The following DVL2 variants were observed in gnomAD, a reference collection of about 807,000 sequenced individuals.
The protein encoded by DVL2 is segment polarity protein dishevelled homolog DVL-2.
In DVL2, 38 loss-of-function variants were observed where a neutral mutation model predicts 69.8. That is an observed-to-expected ratio of 0.54 (90% CI 0.42 to 0.71). The LOEUF (loss-of-function observed/expected upper bound fraction) is 0.71. Ranked by LOEUF, DVL2 falls within the 30% of genes least tolerant of loss-of-function variation. The pLI, the probability that DVL2 is intolerant of heterozygous loss-of-function variation, is 0.00. For synonymous variants in DVL2, 428 were observed against 392.4 expected, an observed-to-expected ratio of 1.09 and a Z score of -1.07; for missense variants, 931 against 1,008.1, an observed-to-expected ratio of 0.92 and a Z score of 1.04.
At chr17:7,228,880 C>A in intron 9 of DVL2, 89 bp downstream of exon 9, 1 of 1,378,360 alleles carries the variant, frequency 7.3e-7, no homozygotes, top group South Asian at 1.2e-5. Flanking sequence ...CCACGCCCGG[C>A]TGTCTTAGTA....
chr17:7,230,181 C>A (rs534885127), intron 3 of DVL2, 26 bp from the exon 4 acceptor site: 62 of 1,612,364 alleles, frequency 3.8e-5, no homozygotes, highest in Non-Finnish European at 4.9e-5. Context: ...TGGTTTCCAA[C>A]CCACATCAGG....
At chr17:7,233,958 C>T (rs1358509856) in intron 1 of DVL2, 111 bp downstream of exon 1, 2 of 1,186,238 alleles carry the variant, frequency 1.7e-6, no homozygotes, top group Non-Finnish European at 2.4e-6. Context: ...CAATCTGCTC[C>T]ACCATAGGCC....
chr17:7,226,448 C>G lies in DVL2; in HGVS notation c.1735G>C (p.Gly579Arg). ...HELSSYTYGG[G>R]SASSQHSEGS... ...TCACTATGCTGGCTGCTGGCACTGC[C>G]CCCACCATAGGTGTAAGATGAAAGC... is the stretch of plus-strand genomic sequence containing the variant. Residue 579 changes from glycine (G) to arginine (R), a missense_variant, in exon 14 of 15, where the codon GGC (glycine) becomes CGC (arginine). Physicochemically the swap from Gly to Arg is moderately radical, Grantham distance 125. Around this residue, in one of 3 missense-constraint regions of DVL2, gnomAD observed 314 missense variants for 313.7 expected, o/e 1.00. Transcript: ENST00000005340. 1 of 1,542,694 alleles carries G rather than the reference C, an allele frequency of 6.5e-7. No individual in the cohort carries two copies. The highest frequency in any genetic ancestry group is 8.7e-7 in the Non-Finnish European group (1 of 1,145,034).
At chr17:7,228,581 G>T in intron 9 of DVL2, 1 of 222,624 alleles carries the variant, frequency 4.5e-6, no homozygotes, top group Middle Eastern at 1.8e-3. Flanking sequence ...TTATGTCTTA[G>T]CACTTTTTTT....
In DVL2 at chr17:7,230,068, C is replaced by T. The variant is rs138983323; in HGVS notation, c.498G>A (p.Arg166=). 8 of 1,614,020 alleles carry T rather than the reference C, an allele frequency of 5.0e-6. No homozygotes were observed. In the African/African-American group the frequency reaches 9.3e-5, roughly 19 times the overall value. ...VVSLRRERPR[R]RDSSEHGAGG... ...CACCGCCATGCTCACTGCTGTCTCT[C>T]CTGCGAGGCCGCTCCCGCCTCAGTG... Residue 166 remains arginine, a synonymous_variant, in exon 4 of 15, where the codon AGG becomes AGA. Transcript: ENST00000005340.
intron 1 of DVL2, 71 bp from the exon 2 acceptor site, chr17:7,230,868 TC>T: frequency 8.4e-7 from 1 of 1,194,572 alleles, no homozygotes; most frequent in Non-Finnish European, 1.2e-6. Context: ...TCAAACTTTC[TC>T]CCAATCTTCA....
chr17:7,229,400 G>A lies in DVL2; in HGVS notation c.795C>T (p.Ile265=), dbSNP rs1377473921. Residue 265 remains isoleucine (I), a synonymous_variant, in exon 7 of 15, where the codon ATC becomes ATT. Coordinates refer to ENST00000005340, the MANE Select transcript of DVL2 (RefSeq NM_004422.3). The surrounding 1 kb of genome is among the most constrained non-coding windows in gnomAD (Gnocchi z 4.4). The stretch of plus-strand genomic sequence containing the variant: ...TACCCATGTTTAGCGTGACTGTGAT[G>A]ATATTGAGAGACATTGTGGAATCTG... ...SVTDSTMSLN[I]ITVTLNMEKY... is the part of the protein sequence containing the mutation. 2.5e-6 allele frequency: 4 copies of A among 1,613,990 alleles called. No individual in the cohort carries two copies. The highest frequency in any genetic ancestry group is 8.5e-7 in the Non-Finnish European group (1 of 1,180,038).
intron 9 of DVL2, chr17:7,228,266 G>T: frequency 2.1e-6 from 1 of 465,218 alleles, no homozygotes. Context: ...GAGAGTACAC[G>T]CTGTACAGTT....
intron 13 of DVL2, 28 bp from the exon 14 acceptor site, chr17:7,226,667 A>C: frequency 6.8e-7 from 1 of 1,471,914 alleles, no homozygotes; most frequent in Non-Finnish European, 9.0e-7. Context: ...AGAGGAAGAA[A>C]TCACTGCTTC....
rs963116020 is a variant in DVL2, at chr17:7,227,844, T to A, written c.1103-61A>T. 5.1e-6 allele frequency: 8 copies of A among 1,556,756 alleles called. No homozygotes were observed. The African/African-American group carries it at 1.1e-4, about 21-fold the overall frequency. On this transcript the variant is annotated intron_variant, in intron 10 of 14. Transcript: ENST00000005340. The stretch of plus-strand genomic sequence containing the variant: ...AGTCCCCAAAAGCCAGCCCAGTCCC[T>A]CCCTGACTCAGCCTCCTGTTCCACC...
At chr17:7,227,317 C>T in intron 12 of DVL2, 48 bp from the exon 13 acceptor site, 3 of 1,600,486 alleles carry the variant, frequency 1.9e-6, no homozygotes, top group Non-Finnish European at 2.6e-6. Context: ...TCTTCCAACT[C>T]CTGCTCTCGC....
rs1421705553 is a variant in DVL2, at chr17:7,234,370, C to T, written c.-108G>A. The stretch of plus-strand genomic sequence containing the variant: ...GACGCGCGAGCGCGGACAGGACTGA[C>T]CCAGTACGGGAGAGAAGCAAAGGGG... On this transcript the variant is annotated 5_prime_UTR_variant, in exon 1 of 15. Coordinates refer to ENST00000005340, the MANE Select transcript of DVL2 (RefSeq NM_004422.3). The T allele has an allele frequency of 3.1e-6, 4 of 1,284,190 alleles. No individual in the cohort carries two copies. Among genetic ancestry groups the T allele is most frequent in the African/African-American group, 3.0e-5 (2 of 66,806 alleles). 79.5% of individuals were successfully genotyped at this position (1,284,190 alleles called of 1,614,324 possible).
intron 11 of DVL2, 58 bp from the exon 12 acceptor site, chr17:7,227,593 A>G (rs2142992337): frequency 1.2e-6 from 2 of 1,614,000 alleles, no homozygotes; most frequent in Non-Finnish European, 8.5e-7. Flanking sequence ...AGGGCAATGG[A>G]TCAGACCACT....
intron 9 of DVL2, chr17:7,228,499 G>C (rs758937471): frequency 5.6e-6 from 1 of 179,104 alleles, no homozygotes; most frequent in South Asian, 1.2e-4. Context: ...TGATGATCTA[G>C]ATGGCAGTGA....
Position 7,227,168 on chromosome 17 carries a change from G to A in DVL2, c.1465C>T (p.Arg489Ter), listed in dbSNP as rs1462726201. The change falls in exon 13 of 15, where the codon CGA (arginine) becomes TGA (stop). Residue 489 changes from arginine to a stop codon, truncating the protein, a stop_gained. Coordinates refer to ENST00000005340, the MANE Select transcript of DVL2 (RefSeq NM_004422.3). LOFTEE classifies it high-confidence loss of function. Reference protein sequence around the residue: ...ASGLLKAGLIRHTVNKITFSE... With the variant: ...ASGLLKAGLI Reference sequence around the variant, plus strand: ...AAGGTGATCTTGTTGACGGTGTGTCGGATCAGGCCTGCTTTGAGCAGCCCG... The same window carrying A: ...AAGGTGATCTTGTTGACGGTGTGTCAGATCAGGCCTGCTTTGAGCAGCCCG... 3.7e-6 allele frequency: 6 copies of A among 1,614,136 alleles called. No individual in the cohort carries two copies. The highest frequency in any genetic ancestry group is 1.6e-4 in the Middle Eastern group (1 of 6,062).
Position 7,229,545 on chromosome 17 carries a change from C to T in DVL2, c.747+43G>A, listed in dbSNP as rs751354482. 1.5e-5 allele frequency: 24 copies of T among 1,600,582 alleles called. No individual in the cohort carries two copies. In the African/African-American group the frequency reaches 2.7e-4, roughly 18 times the overall value. ...GCACCGCCCAAACCAAAGCCCATGC[C>T]CCACCTTCTCCCAGCACCAGCCTTC... On this transcript the variant is annotated intron_variant, in intron 6 of 14. Coordinates refer to ENST00000005340, the MANE Select transcript of DVL2 (RefSeq NM_004422.3). This position sits in a 1 kb window ranked among gnomAD's most constrained non-coding sequence, Gnocchi z 4.4.
chr17:7,233,459 T>C (rs2071578868), intron 1 of DVL2, among the ~76,000 whole-genome samples: 1 of 152,098 alleles, frequency 6.6e-6, no homozygotes, highest in African/African-American at 2.4e-5. Flanking sequence ...TTGTTTTTTT[T>C]CTGAGACGGA....
In DVL2 at chr17:7,229,316, G is replaced by A; in HGVS notation, c.818-42C>T. 1 of 1,613,136 alleles carries A rather than the reference G, an allele frequency of 6.2e-7. No homozygotes were observed. The highest frequency in any genetic ancestry group is 8.5e-7 in the Non-Finnish European group (1 of 1,179,598). On this transcript the variant is annotated intron_variant, in intron 7 of 14. Transcript: ENST00000005340. This position sits in a 1 kb window ranked among gnomAD's most constrained non-coding sequence, Gnocchi z 4.4. ...TGTGAAAAGAGGAGCCCCTGCCACA[G>A]GACGCCCGGAACCCTAGAGACCAGG...
chr17:7,230,442 C>T lies in DVL2; in HGVS notation c.265-12G>A, dbSNP rs1429085085. 10 of 1,612,932 alleles carry T rather than the reference C, an allele frequency of 6.2e-6. No individual in the cohort carries two copies. Among genetic ancestry groups the T allele is most frequent in the Non-Finnish European group, 8.5e-6 (10 of 1,179,324 alleles). ...TCTGAGGACACCAGCTAGAAGGGTGCAAATGATAAACAGTGGCTCACTTGG... is the reference window on the plus strand; with the variant it reads ...TCTGAGGACACCAGCTAGAAGGGTGTAAATGATAAACAGTGGCTCACTTGG... On this transcript the variant is annotated splice_polypyrimidine_tract_variant and intron_variant, in intron 2 of 14. Coordinates refer to ENST00000005340, the MANE Select transcript of DVL2 (RefSeq NM_004422.3).
Sources: allele counts gnomAD v4.1 joint callset (sites outside exome capture counted in the v4.1 genomes callset), GRCh38; gene constraint gnomAD v4.1.1; regional missense constraint gnomAD v4.1.1; non-coding constraint Gnocchi (gnomAD v3.1); transcripts MANE v1.5; gene names NCBI Gene and HGNC (gene_info 2026-07-23, HGNC 2026-07-21).